MAF: variants seen among roughly 807,000 people sequenced by gnomAD.
MAF encodes the protein transcription factor Maf.
MAF carries 10 observed loss-of-function variants against 22.0 expected under a neutral mutation model. The ratio of observed to expected loss-of-function variants is 0.45; its 90% confidence interval spans 0.28 to 0.77. The LOEUF (loss-of-function observed/expected upper bound fraction) is 0.77, where lower values mean the gene tolerates loss of function less well. Ranked by LOEUF, MAF falls within the 30% of genes least tolerant of loss-of-function variation. The pLI is 0.12. For synonymous variants in MAF, 337 were observed against 255.8 expected (o/e 1.32, Z -3.03); for missense variants, 544 against 548.4 (o/e 0.99, Z 0.08).
chr16:79,562,847 T>C, the MAF span, among the ~76,000 whole-genome samples: 1 of 152,234 alleles, frequency 6.6e-6, no homozygotes, highest in African/African-American at 2.4e-5. Flanking sequence ...CATACTTGCC[T>C]GCCTGGATTC....
the MAF span, among the ~76,000 whole-genome samples, chr16:79,372,097 T>C: frequency 6.9e-6 from 1 of 144,282 alleles, no homozygotes; most frequent in Non-Finnish European, 1.5e-5. Flanking sequence ...TTACCCCAAG[T>C]GCAATGCCAG....
chr16:79,327,076 C>G, the MAF span, among the ~76,000 whole-genome samples: 1 of 152,162 alleles, frequency 6.6e-6, no homozygotes, highest in Admixed American at 6.5e-5. Flanking sequence ...CAGCCCCAGC[C>G]CAGAACAGGG....
chr16:79,461,619 G>A, the MAF span, among the ~76,000 whole-genome samples: 1 of 152,194 alleles, frequency 6.6e-6, no homozygotes, highest in Non-Finnish European at 1.5e-5. Context: ...CTGGTGATGT[G>A]CCTGGGAGAA....
the MAF span, among the ~76,000 whole-genome samples, chr16:79,570,834 T>G: frequency 6.6e-6 from 1 of 152,206 alleles, no homozygotes. Context: ...AAACATTTAC[T>G]GGGAATATGT....
At chr16:79,445,259 G>A in the MAF span, among the ~76,000 whole-genome samples, 1 of 151,652 alleles carries the variant, frequency 6.6e-6, no homozygotes, top group African/African-American at 2.4e-5. Flanking sequence ...TAGCCAGGAT[G>A]GTCTGGATCT....
the MAF span, among the ~76,000 whole-genome samples, chr16:79,571,554 T>TTA: frequency 0.04 from 5,567 of 139,520 alleles, 198 homozygotes; most frequent in Middle Eastern, 0.084. Context: ...TTTTTTTTTT[T>TTA]ACAAATGCAC....
At chr16:79,261,435 G>A in the MAF span, among the ~76,000 whole-genome samples, 3 of 152,200 alleles carry the variant, frequency 2.0e-5, no homozygotes, top group Admixed American at 1.3e-4. Flanking sequence ...TTACGGGCAT[G>A]AGCCACCACG....
the MAF span, among the ~76,000 whole-genome samples, chr16:79,376,896 G>A: frequency 1.1e-4 from 17 of 152,158 alleles, no homozygotes; most frequent in Non-Finnish European, 1.8e-4. Context: ...GTGTATATAT[G>A]CCACATTTTC....
At chr16:79,549,651 C>T in the MAF span, among the ~76,000 whole-genome samples, 1 of 152,172 alleles carries the variant, frequency 6.6e-6, no homozygotes, top group Non-Finnish European at 1.5e-5. Context: ...AAATGATCCC[C>T]GTTGGTTCCA....
the MAF span, among the ~76,000 whole-genome samples, chr16:79,485,437 C>T: frequency 1.3e-5 from 2 of 152,118 alleles, no homozygotes; most frequent in African/African-American, 2.4e-5. Flanking sequence ...TACACAGATG[C>T]TCTGACTCTC....
downstream of MAF, among the ~76,000 whole-genome samples, chr16:79,584,519 CA>C (rs1289645532): frequency 1.3e-5 from 2 of 152,160 alleles, no homozygotes; most frequent in South Asian, 4.2e-4. Context: ...GAAATATTAC[CA>C]GGGGGTAAGG....
chr16:79,469,859 T>C, the MAF span, among the ~76,000 whole-genome samples: 1 of 152,166 alleles, frequency 6.6e-6, no homozygotes, highest in African/African-American at 2.4e-5. Flanking sequence ...CCTCCCAAAG[T>C]GCTGAGATTA....
At chr16:79,311,018 AT>A in the MAF span, among the ~76,000 whole-genome samples, 2,283 of 133,584 alleles carry the variant, frequency 0.017, 22 homozygotes, top group Non-Finnish European at 0.025. Flanking sequence ...CTGCTTTTTC[AT>A]TTTTTTTTTT....
chr16:79,561,813 A>G, the MAF span, among the ~76,000 whole-genome samples: 3 of 152,272 alleles, frequency 2.0e-5, no homozygotes, highest in East Asian at 3.9e-4. Context: ...GTGTGTTTGG[A>G]TGTTTGACAG....
the MAF span, among the ~76,000 whole-genome samples, chr16:79,227,920 T>C: frequency 5.3e-5 from 8 of 152,080 alleles, 1 homozygote; most frequent in Admixed American, 4.6e-4. Flanking sequence ...AGAAAAATCT[T>C]TGAGACAGGG....
In MAF at chr16:79,600,389, C is replaced by A. The variant is rs1287217763; in HGVS notation, c.-487G>T. On this transcript the variant is annotated 5_prime_UTR_variant, in exon 1 of 2. Transcript: ENST00000326043. ...CGCGGCGTCCGCTCGGGGCTGGAGG[C>A]GCGGCGGGCGTCTGTCCGGGCGGCG... 1.5e-5 allele frequency: 3 copies of A among 197,306 alleles called. No homozygotes were observed. Among genetic ancestry groups the A allele is most frequent in the South Asian group, 1.9e-4 (1 of 5,160 alleles). 12.2% of individuals were successfully genotyped at this position (197,306 alleles called of 1,614,324 possible).
At chr16:79,323,304 C>T in the MAF span, among the ~76,000 whole-genome samples, 5 of 151,330 alleles carry the variant, frequency 3.3e-5, no homozygotes, top group East Asian at 3.9e-4. Context: ...TAGAATGTCA[C>T]GAATGGTGTC....
the MAF span, among the ~76,000 whole-genome samples, chr16:79,217,836 T>A: frequency 2.4e-4 from 37 of 152,218 alleles, 1 homozygote; most frequent in African/African-American, 8.4e-4. Flanking sequence ...GTTTTGCTTT[T>A]TAAAATGGGG....
chr16:79,526,513 C>A, the MAF span, among the ~76,000 whole-genome samples: 1 of 152,162 alleles, frequency 6.6e-6, no homozygotes. Context: ...GGTTAGGGAC[C>A]ACTTCCCTAG....
Sources: allele counts gnomAD v4.1 joint callset (sites outside exome capture counted in the v4.1 genomes callset), GRCh38; gene constraint gnomAD v4.1.1; transcripts MANE v1.5; gene names NCBI Gene and HGNC (gene_info 2026-07-23, HGNC 2026-07-21).